PRMT9: variants seen among roughly 807,000 people sequenced by gnomAD.
PRMT9 encodes protein arginine methyltransferase 9.
Under a neutral mutation model 83.2 loss-of-function variants are expected in PRMT9, and 59 were observed. The observed-to-expected ratio is 0.71, with a 90% confidence interval of 0.57 to 0.88. The LOEUF (loss-of-function observed/expected upper bound fraction) is 0.88. PRMT9 is among the 40% of genes least tolerant of loss of function. The pLI is 0.00. For missense variants in PRMT9, 947 were observed against 1,021.9 expected, an observed-to-expected ratio of 0.93 and a Z score of 1.00; for synonymous variants, 333 against 353.2, an observed-to-expected ratio of 0.94 and a Z score of 0.64.
rs1337512251 is a variant in PRMT9 at position 147,673,880 on chromosome 4, G to A, written c.339-6C>T. The A allele has an allele frequency of 6.2e-7, 1 of 1,608,692 alleles. No individual in the cohort carries two copies. The highest frequency in any genetic ancestry group is 8.5e-7 in the Non-Finnish European group (1 of 1,175,170). On this transcript the variant is annotated splice_region_variant and splice_polypyrimidine_tract_variant and intron_variant, in intron 2 of 11. Transcript: ENST00000322396. ...CTTCATCCCTAAAGCCCATTCTAGA[G>A]TAAAAAATGACAAAAGACAAAATAT...
intron 7 of PRMT9, among the ~76,000 whole-genome samples, chr4:147,660,346 C>T (rs1734869114): frequency 6.6e-6 from 1 of 152,130 alleles, no homozygotes; most frequent in South Asian, 2.1e-4. Context: ...TTTAAATAAG[C>T]AGGCTGGCAC....
At chr4:147,651,554 TA>T (rs761988794) in intron 9 of PRMT9, among the ~76,000 whole-genome samples, 14 of 152,120 alleles carry the variant, frequency 9.2e-5, no homozygotes, top group Non-Finnish European at 1.5e-4. Flanking sequence ...ATAACCCGGT[TA>T]AAAAATGGGC....
intron 9 of PRMT9, among the ~76,000 whole-genome samples, chr4:147,644,311 A>G (rs1194483025): frequency 6.6e-6 from 1 of 151,728 alleles, no homozygotes; most frequent in Non-Finnish European, 1.5e-5. Flanking sequence ...TTATTCTTTA[A>G]CTTCTCCAAA....
At chr4:147,668,946 C>T (rs1409891440) in intron 5 of PRMT9, among the ~76,000 whole-genome samples, 20 of 151,996 alleles carry the variant, frequency 1.3e-4, no homozygotes, top group Non-Finnish European at 2.1e-4. Context: ...ATTAGCTGGG[C>T]GTGGTGGCAC....
In PRMT9 at chr4:147,666,579, G is replaced by C. The variant is rs546755146; in HGVS notation, c.953+1960C>G. Among the ~76,000 whole-genome samples, 95 of 152,134 alleles carry C rather than the reference G, an allele frequency of 6.2e-4. No homozygotes were observed. The South Asian group carries it at 0.018, about 29-fold the overall frequency. On this transcript the variant is annotated intron_variant, in intron 6 of 11. Coordinates refer to ENST00000322396, the MANE Select transcript of PRMT9 (RefSeq NM_138364.4). ...GTTCCACTGATGTATTTGTCTTTCT[G>C]CATCAATACATTGCTGTTTTTTACT...
At chr4:147,648,409 G>A (rs184153885) in intron 9 of PRMT9, among the ~76,000 whole-genome samples, 1 of 152,314 alleles carries the variant, frequency 6.6e-6, no homozygotes, top group East Asian at 1.9e-4. Flanking sequence ...AACACATGGA[G>A]GTTCCTAGAG....
intron 9 of PRMT9, among the ~76,000 whole-genome samples, chr4:147,653,624 G>A (rs1447771904): frequency 6.6e-6 from 1 of 151,940 alleles, no homozygotes; most frequent in East Asian, 1.9e-4. Context: ...AAGAATTATG[G>A]GAACGTGTCA....
intron 9 of PRMT9, among the ~76,000 whole-genome samples, chr4:147,643,661 G>A (rs888478622): frequency 6.6e-6 from 1 of 152,218 alleles, no homozygotes; most frequent in African/African-American, 2.4e-5. Context: ...GGAGAAATGT[G>A]TAGATACAAC....
Position 147,639,046 on chromosome 4 carries a change from G to A in PRMT9, c.2236C>T (p.Pro746Ser), listed in dbSNP as rs142221362. ...IRVFLDLSSL[P>S]CIPLSKPVEL... ...ACTGGCTTGCTTAAAGGTATACAGG[G>A]CAATGAGGATAGGTCCAAAAATACA... Residue 746 changes from proline (P) to serine (S), a missense_variant, in exon 11 of 12, where the codon CCC becomes TCC. By Grantham distance (74) the Pro-to-Ser change is moderately conservative. Transcript: ENST00000322396. The A allele has an allele frequency of 1.1e-4, 185 of 1,612,868 alleles. No homozygotes were observed. Among genetic ancestry groups the A allele is most frequent in the Middle Eastern group, 1.6e-4 (1 of 6,076 alleles).
chr4:147,657,379 G>A (rs1734587139), intron 8 of PRMT9, among the ~76,000 whole-genome samples: 1 of 152,010 alleles, frequency 6.6e-6, no homozygotes, highest in Non-Finnish European at 1.5e-5. Flanking sequence ...CAAAAAAGTA[G>A]CCAGGCGCAG....
At chr4:147,681,315 C>T (rs187446110) in intron 1 of PRMT9, among the ~76,000 whole-genome samples, 76 of 152,352 alleles carry the variant, frequency 5.0e-4, no homozygotes, top group African/African-American at 1.8e-3. Flanking sequence ...ACAGCCTTAA[C>T]GCTGTCACTC....
intron 8 of PRMT9, among the ~76,000 whole-genome samples, chr4:147,655,243 G>A (rs1250336682): frequency 6.6e-6 from 1 of 152,122 alleles, no homozygotes; most frequent in East Asian, 1.9e-4. Flanking sequence ...GTCCCCTGCA[G>A]CCTCCAACTC....
chr4:147,683,887 T>C lies in PRMT9; in HGVS notation c.101A>G (p.His34Arg), dbSNP rs1454888101. The C allele has an allele frequency of 6.2e-7, 1 of 1,613,620 alleles. No individual in the cohort carries two copies. The highest frequency in any genetic ancestry group is 8.5e-7 in the Non-Finnish European group (1 of 1,179,978). The change falls in exon 1 of 12, where the codon CAC (histidine) becomes CGC (arginine). Residue 34 changes from histidine (H) to arginine (R), a missense_variant. His to Arg is a conservative substitution (Grantham distance 29). Coordinates refer to ENST00000322396, the MANE Select transcript of PRMT9 (RefSeq NM_138364.4). ...LVSRSLQSAE[H>R]CLGVQDFGTA... ...GCCGAAGTCCTGGACGCCCAGACAGTGCTCTGCGCTCTGCAAGGACCGCGA... is the reference window on the plus strand; with the variant it reads ...GCCGAAGTCCTGGACGCCCAGACAGCGCTCTGCGCTCTGCAAGGACCGCGA...
At chr4:147,678,503 G>A (rs1389562581) in intron 2 of PRMT9, among the ~76,000 whole-genome samples, 3 of 152,204 alleles carry the variant, frequency 2.0e-5, no homozygotes, top group African/African-American at 4.8e-5. Flanking sequence ...AACATAGCAG[G>A]CCTGACTGCC....
intron 8 of PRMT9, among the ~76,000 whole-genome samples, chr4:147,656,982 C>T (rs910230733): frequency 2.7e-5 from 4 of 150,918 alleles, no homozygotes; most frequent in East Asian, 1.9e-4. Flanking sequence ...TGAAACCCAT[C>T]GAATCACTGT....
chr4:147,678,056 C>T (rs901569633), intron 2 of PRMT9, among the ~76,000 whole-genome samples: 1 of 152,088 alleles, frequency 6.6e-6, no homozygotes, highest in Non-Finnish European at 1.5e-5. Context: ...AGAGTACATA[C>T]ACTGCATTCC....
intron 8 of PRMT9, among the ~76,000 whole-genome samples, chr4:147,656,362 G>C (rs1252145419): frequency 6.6e-6 from 1 of 151,902 alleles, no homozygotes; most frequent in African/African-American, 2.4e-5. Context: ...TTATAATCTT[G>C]GCTCACTGCA....
chr4:147,644,539 TAAAAAAAAAAA>T (rs35094215), intron 9 of PRMT9, among the ~76,000 whole-genome samples: 56 of 111,894 alleles, frequency 5.0e-4, no homozygotes, highest in African/African-American at 1.9e-3. Context: ...TGCTTATGGT[TAAAAAAAAAAA>T]AAAAAAAAAA....
intron 10 of PRMT9, among the ~76,000 whole-genome samples, chr4:147,641,438 C>T (rs1372891553): frequency 6.6e-6 from 1 of 152,106 alleles, no homozygotes; most frequent in Non-Finnish European, 1.5e-5. Flanking sequence ...TTCTTTCAGG[C>T]CTCTGTTTAT....
Sources: allele counts gnomAD v4.1 joint callset (sites outside exome capture counted in the v4.1 genomes callset), GRCh38; gene constraint gnomAD v4.1.1; transcripts MANE v1.5; gene names NCBI Gene and HGNC (gene_info 2026-07-23, HGNC 2026-07-21).